RGS7: variants seen among roughly 807,000 people sequenced by gnomAD.
RGS7 encodes the protein regulator of G-protein signaling 7.
RGS7 carries 27 observed loss-of-function variants against 81.1 expected under a neutral mutation model. That is an observed-to-expected ratio of 0.33 (90% CI 0.25 to 0.46). The LOEUF (loss-of-function observed/expected upper bound fraction) is 0.46, where lower values mean the gene tolerates loss of function less well. RGS7 is among the 20% of genes least tolerant of loss of function. The probability of loss-of-function intolerance (pLI) is 1.00; values close to 1 mark genes in which losing one functional copy is unlikely to be tolerated. For synonymous variants in RGS7, 208 were observed against 207.7 expected, an observed-to-expected ratio of 1.00 and a Z score of -0.01; for missense variants, 396 against 607.4, an observed-to-expected ratio of 0.65 and a Z score of 3.66.
intron 12 of RGS7, among the ~76,000 whole-genome samples, chr1:240,813,935 T>C (rs1489685315): frequency 6.6e-6 from 1 of 152,160 alleles, no homozygotes; most frequent in Non-Finnish European, 1.5e-5. Flanking sequence ...AAAGATTCCA[T>C]CTCTACCCAT....
intron 2 of RGS7, among the ~76,000 whole-genome samples, chr1:241,127,547 TG>T (rs2066751113): frequency 6.6e-6 from 1 of 151,800 alleles, no homozygotes; most frequent in Non-Finnish European, 1.5e-5. Flanking sequence ...TGTTGTGGCG[TG>T]GGGGGAGCGG....
At chr1:240,998,386 T>G in intron 3 of RGS7, 1 of 555,406 alleles carries the variant, frequency 1.8e-6, no homozygotes, top group Non-Finnish European at 3.2e-6. Flanking sequence ...AAGCCATTAT[T>G]TCTTCAAGTA....
chr1:241,092,084 C>A (rs995259373), intron 3 of RGS7, among the ~76,000 whole-genome samples: 1 of 152,046 alleles, frequency 6.6e-6, no homozygotes, highest in Non-Finnish European at 1.5e-5. Flanking sequence ...ACATCTATAT[C>A]CAAATAGTAT....
chr1:240,796,774 G>A (rs570503940), intron 18 of RGS7, among the ~76,000 whole-genome samples: 80 of 152,226 alleles, frequency 5.3e-4, no homozygotes, highest in Non-Finnish European at 8.7e-4. Context: ...TTCTCTCACG[G>A]AGTCTCCACA....
At chr1:241,044,732 T>C (rs2060822819) in intron 3 of RGS7, among the ~76,000 whole-genome samples, 1 of 152,114 alleles carries the variant, frequency 6.6e-6, no homozygotes, top group Non-Finnish European at 1.5e-5. Context: ...CACACCTGAC[T>C]TGTTTCTGTT....
chr1:241,244,002 A>T (rs2076396109), intron 2 of RGS7, among the ~76,000 whole-genome samples: 1 of 152,148 alleles, frequency 6.6e-6, no homozygotes, highest in Non-Finnish European at 1.5e-5. Flanking sequence ...CAAAAAAGAG[A>T]TCCTTTCTAG....
rs576127743 is a variant in RGS7, at chr1:241,001,732, G to T, written c.176-18603C>A. ...TCCAACAATGCGACTTTGTGGAAAA[G>T]GCAAAACTATGGAGAGAGTAAAAAG... is the stretch of plus-strand genomic sequence containing the variant. On this transcript the variant is annotated intron_variant, in intron 3 of 18. Coordinates refer to ENST00000440928, the MANE Select transcript of RGS7 (RefSeq NM_001364886.1). Among the ~76,000 whole-genome samples, 254 of 152,244 alleles carry T rather than the reference G, an allele frequency of 1.7e-3. 1 individual carries two copies. The highest frequency in any genetic ancestry group is 3.1e-3 in the Admixed American group (48 of 15,282).
At chr1:241,149,597 T>TA (rs2103123631) in intron 2 of RGS7, among the ~76,000 whole-genome samples, 1 of 152,288 alleles carries the variant, frequency 6.6e-6, no homozygotes, top group African/African-American at 2.4e-5. Flanking sequence ...CTTTGTCCAG[T>TA]AAATGGCTGG....
chr1:241,270,347 A>G (rs1334482951), intron 2 of RGS7, among the ~76,000 whole-genome samples: 1 of 152,214 alleles, frequency 6.6e-6, no homozygotes, highest in Non-Finnish European at 1.5e-5. Context: ...AATTGGACCC[A>G]AGAACCAATA....
At chr1:241,135,123 G>C (rs1162835836) in intron 2 of RGS7, among the ~76,000 whole-genome samples, 1 of 152,118 alleles carries the variant, frequency 6.6e-6, no homozygotes, top group Non-Finnish European at 1.5e-5. Context: ...GTGCCCAGGC[G>C]CTCATTAAAA....
At chr1:241,092,918 G>C (rs1380052872) in intron 3 of RGS7, among the ~76,000 whole-genome samples, 1 of 151,444 alleles carries the variant, frequency 6.6e-6, no homozygotes, top group Non-Finnish European at 1.5e-5. Flanking sequence ...TGAATCACAT[G>C]AGAAAAAGAA....
intron 3 of RGS7, among the ~76,000 whole-genome samples, chr1:241,048,047 A>G (rs1371220699): frequency 2.6e-5 from 4 of 152,024 alleles, no homozygotes; most frequent in Non-Finnish European, 4.4e-5. Flanking sequence ...GCCTGTTTAC[A>G]ATTCTTAATT....
In RGS7 at chr1:240,859,680, T is replaced by G. The variant is rs77661608; in HGVS notation, c.609+8907A>C. Among the ~76,000 whole-genome samples, 931 of 152,126 alleles carry G rather than the reference T, an allele frequency of 6.1e-3. 6 individuals carry two copies. The highest frequency in any genetic ancestry group is 0.021 in the African/African-American group (864 of 41,534). ...AAAAAAGTTTTGATTTTATTGATTTTCTCTATATTCTCTTGCCATTCTCAT... is the reference window on the plus strand; with the variant it reads ...AAAAAAGTTTTGATTTTATTGATTTGCTCTATATTCTCTTGCCATTCTCAT... On this transcript the variant is annotated intron_variant, in intron 9 of 18. Transcript: ENST00000440928.
intron 6 of RGS7, among the ~76,000 whole-genome samples, chr1:240,929,119 G>T (rs1399182624): frequency 1.3e-5 from 2 of 152,152 alleles, no homozygotes; most frequent in Non-Finnish European, 2.9e-5. Context: ...CAGAGATATT[G>T]CACGCCTAAA....
At chr1:241,110,242 C>T (rs2065422891) in intron 2 of RGS7, among the ~76,000 whole-genome samples, 1 of 152,118 alleles carries the variant, frequency 6.6e-6, no homozygotes, top group African/African-American at 2.4e-5. Flanking sequence ...TCTCCAATAA[C>T]CCTGGAAGTC....
rs946225951 is a variant in RGS7, at chr1:241,311,481, G to A, written c.78+44218C>T. Among the ~76,000 whole-genome samples, 12 of 152,214 alleles carry A rather than the reference G, an allele frequency of 7.9e-5. No individual in the cohort carries two copies. The East Asian group carries it at 9.6e-4, about 12-fold the overall frequency. On this transcript the variant is annotated intron_variant, in intron 2 of 18. Transcript: ENST00000440928. ...AAGTTGGCTCATGGAAGTGAGCACC[G>A]GAAGAGCTAAAGCTTGTGAGTTATT...
chr1:241,125,676 T>C (rs780234514), intron 2 of RGS7, among the ~76,000 whole-genome samples: 29 of 152,224 alleles, frequency 1.9e-4, no homozygotes, highest in Non-Finnish European at 2.9e-4. Flanking sequence ...AGATGCATAG[T>C]AGGTGCTTAG....
chr1:241,331,380 T>C (rs1013157805), intron 2 of RGS7, among the ~76,000 whole-genome samples: 2 of 152,222 alleles, frequency 1.3e-5, no homozygotes, highest in East Asian at 1.9e-4. Flanking sequence ...CTCTGCTACA[T>C]GCAACTTAGC....
At position 240,907,919 on chromosome 1, in the gene RGS7, G is replaced by A. The variant is rs777012633; in HGVS notation, c.385+22798C>T. 5.9e-5 allele frequency among the ~76,000 whole-genome samples: 9 copies of A among 151,956 alleles called. 1 individual carries two copies. The highest frequency in any genetic ancestry group is 2.1e-4 in the South Asian group (1 of 4,830). On this transcript the variant is annotated intron_variant, in intron 6 of 18. Transcript: ENST00000440928. Reference sequence around the variant, plus strand: ...CCGATCCATAAAATACATGCCATTCGTTTTGATTTAAATTATAAACAATCT... The same window carrying A: ...CCGATCCATAAAATACATGCCATTCATTTTGATTTAAATTATAAACAATCT...
Sources: gnomAD v4.1 joint callset for allele counts (sites outside exome capture counted in the v4.1 genomes callset) on GRCh38, gnomAD v4.1.1 for gene constraint, MANE v1.5 for transcripts, NCBI Gene and HGNC (gene_info 2026-07-23, HGNC 2026-07-21) for gene names.